ENTPD1: variants seen among roughly 807,000 people sequenced by gnomAD.
ENTPD1 encodes the protein ATP diphosphohydrolase.
Under a neutral mutation model 57.0 loss-of-function variants are expected in ENTPD1, and 33 were observed. The ratio of observed to expected loss-of-function variants is 0.58; its 90% CI spans 0.44 to 0.77. ENTPD1 has a LOEUF of 0.77. Ranked by LOEUF, ENTPD1 falls within the 30% of genes least tolerant of loss-of-function variation. The pLI is 0.00. For missense variants in ENTPD1, 501 were observed against 603.4 expected, an observed-to-expected ratio of 0.83 and a Z score of 1.78; for synonymous variants, 202 against 218.8, an observed-to-expected ratio of 0.92 and a Z score of 0.68.
At chr10:95,721,432 A>G (rs945709793) in intron 1 of ENTPD1, among the ~76,000 whole-genome samples, 7 of 152,162 alleles carry the variant, frequency 4.6e-5, no homozygotes, top group Non-Finnish European at 8.8e-5. Context: ...GGCTGCAGTT[A>G]TGGTGGCACT....
chr10:95,776,032 T>C (rs557729214), intron 1 of ENTPD1, among the ~76,000 whole-genome samples: 5 of 152,308 alleles, frequency 3.3e-5, no homozygotes, highest in Non-Finnish European at 5.9e-5. Context: ...CCTATGTGCG[T>C]TCCTTGCACA....
At chr10:95,755,876 A>G (rs1477586129), upstream of ENTPD1, 7 of 1,517,138 alleles carry the variant, frequency 4.6e-6, no homozygotes, top group Non-Finnish European at 6.2e-6. Flanking sequence ...TATAACGAAG[A>G]GAGGGAGAGA....
In ENTPD1 at chr10:95,874,480, C is replaced by T. The variant is rs1337541547; in HGVS notation, c.*8097C>T. ...GGCTTTGCAGAGTACAGCCTCCCTC[C>T]TGGCTGCTTTCTCAGGCTGATGTTG... is the stretch of plus-strand genomic sequence containing the variant. On this transcript the variant is annotated 3_prime_UTR_variant, in exon 10 of 10. Transcript: ENST00000371205. 6.6e-6 allele frequency among the ~76,000 whole-genome samples: 1 copy of T among 152,204 alleles called. No homozygotes were observed. Among genetic ancestry groups the T allele is most frequent in the Non-Finnish European group, 1.5e-5 (1 of 68,024 alleles).
intron 3 of ENTPD1, among the ~76,000 whole-genome samples, chr10:95,840,106 AATC>A: frequency 6.6e-6 from 1 of 152,220 alleles, no homozygotes; most frequent in Non-Finnish European, 1.5e-5. Flanking sequence ...ATACCCTCAT[AATC>A]TCCCTTTGAG....
At chr10:95,739,583 T>A (rs1457181634) in intron 1 of ENTPD1, among the ~76,000 whole-genome samples, 2 of 152,234 alleles carry the variant, frequency 1.3e-5, no homozygotes, top group African/African-American at 4.8e-5. Flanking sequence ...CCACTTCTAA[T>A]TCTAGTTTTC....
chr10:95,718,860 A>G (rs2097974452), intron 1 of ENTPD1, among the ~76,000 whole-genome samples: 1 of 152,244 alleles, frequency 6.6e-6, no homozygotes, highest in South Asian at 2.1e-4. Flanking sequence ...CTCGAGTGGC[A>G]TAGGTTTGAG....
intron 1 of ENTPD1, among the ~76,000 whole-genome samples, chr10:95,747,409 C>T (rs568907719): frequency 3.3e-4 from 50 of 152,220 alleles, no homozygotes; most frequent in Middle Eastern, 3.4e-3. Flanking sequence ...TTTTAGGATA[C>T]GTAAAACCAG....
intron 1 of ENTPD1, among the ~76,000 whole-genome samples, chr10:95,734,030 G>A (rs1285495254): frequency 1.3e-5 from 2 of 152,096 alleles, no homozygotes; most frequent in Non-Finnish European, 2.9e-5. Context: ...CGTCAGAAAG[G>A]ACAGCTGCAT....
Position 95,864,771 on chromosome 10 carries a change from C to T in ENTPD1, c.1236C>T (p.Tyr412=). The T allele has an allele frequency of 6.2e-7, 1 of 1,614,110 alleles. No homozygotes were observed. Among genetic ancestry groups the T allele is most frequent in the Non-Finnish European group, 8.5e-7 (1 of 1,180,002 alleles). Residue 412 remains tyrosine, a synonymous_variant, in exon 9 of 10, where the codon TAC becomes TAT. Coordinates refer to ENST00000371205, the MANE Select transcript of ENTPD1 (RefSeq NM_001776.6). ...AGVKEKYLSE[Y]CFSGTYILSL... ...TAAAGGAGAAGTACCTGAGTGAATA[C>T]TGCTTTTCTGGTACCTACATTCTCT...
At chr10:95,810,221 G>A (rs1370339418) in intron 1 of ENTPD1, among the ~76,000 whole-genome samples, 4 of 144,572 alleles carry the variant, frequency 2.8e-5, no homozygotes, top group Non-Finnish European at 6.0e-5. Context: ...ACGGGGTGGT[G>A]GCCAGGCAGA....
intron 2 of ENTPD1, among the ~76,000 whole-genome samples, chr10:95,838,645 G>C (rs2098416114): frequency 6.6e-6 from 1 of 152,180 alleles, no homozygotes; most frequent in East Asian, 1.9e-4. Flanking sequence ...CTGACTGAGA[G>C]GGGCACTGGG....
chr10:95,762,279 C>T (rs775153506), intron 1 of ENTPD1, among the ~76,000 whole-genome samples: 10 of 151,050 alleles, frequency 6.6e-5, no homozygotes, highest in South Asian at 4.2e-4. Flanking sequence ...GCTTTATGTC[C>T]GTGAGGATAC....
At chr10:95,790,772 T>C (rs1438944209) in intron 1 of ENTPD1, among the ~76,000 whole-genome samples, 2 of 152,004 alleles carry the variant, frequency 1.3e-5, no homozygotes, top group Non-Finnish European at 2.9e-5. Flanking sequence ...GTTGGAGAAA[T>C]AGAGATTGGA....
chr10:95,876,609 G>A lies in ENTPD1; in HGVS notation c.*10226G>A. The A allele has an allele frequency of 8.1e-7, 1 of 1,229,950 alleles. No homozygotes were observed. The allele number at this position is 1,229,950 out of a possible 1,614,324, so 76.2% of individuals were successfully genotyped here. ...ACAGGATGAATCCACTCTGTCTCCT[G>A]CAGTGAAGTCTGTTTGAAGGATGTA... On this transcript the variant is annotated 3_prime_UTR_variant, in exon 10 of 10. Coordinates refer to ENST00000371205, the MANE Select transcript of ENTPD1 (RefSeq NM_001776.6).
At chr10:95,819,540 A>G (rs2098341479) in intron 1 of ENTPD1, among the ~76,000 whole-genome samples, 1 of 152,210 alleles carries the variant, frequency 6.6e-6, no homozygotes, top group South Asian at 2.1e-4. Context: ...TAAGAATCAA[A>G]AGAACCTTTG....
At chr10:95,730,521 TA>T (rs2097988003) in intron 1 of ENTPD1, among the ~76,000 whole-genome samples, 2 of 146,298 alleles carry the variant, frequency 1.4e-5, no homozygotes, top group Admixed American at 1.4e-4. Context: ...GCTGAAAAAG[TA>T]AAGTACAGTG....
At position 95,873,267 on chromosome 10, in the gene ENTPD1, G is replaced by T; in HGVS notation, c.*6884G>T. ...ACTACCTGACTACTGTCATTCACAG[G>T]CATTCTGTTCCACAGCAGGCCAGCT... is the stretch of plus-strand genomic sequence containing the variant. On this transcript the variant is annotated 3_prime_UTR_variant, in exon 10 of 10. Transcript: ENST00000371205. 4 of 985,064 alleles carry T rather than the reference G, an allele frequency of 4.1e-6. No individual in the cohort carries two copies. The highest frequency in any genetic ancestry group is 4.8e-6 in the Non-Finnish European group (4 of 829,648). 61.0% of individuals were successfully genotyped at this position (985,064 alleles called of 1,614,324 possible). A position where few individuals can be genotyped will look rare whatever the true frequency, so the allele number is the denominator to read the frequency against.
At chr10:95,847,049 A>T (rs578081774) in intron 6 of ENTPD1, among the ~76,000 whole-genome samples, 38 of 152,248 alleles carry the variant, frequency 2.5e-4, no homozygotes, top group African/African-American at 9.1e-4. Flanking sequence ...AAATTTTTTT[A>T]ATAATTTTTA....
At chr10:95,854,888 G>A (rs977304318) in intron 7 of ENTPD1, among the ~76,000 whole-genome samples, 31 of 152,248 alleles carry the variant, frequency 2.0e-4, no homozygotes, top group African/African-American at 3.1e-4. Flanking sequence ...GTGGTGTGGC[G>A]CTGAAAAGAA....
Sources: allele counts gnomAD v4.1 joint callset (sites outside exome capture counted in the v4.1 genomes callset), GRCh38; gene constraint gnomAD v4.1.1; transcripts MANE v1.5; gene names NCBI Gene and HGNC (gene_info 2026-07-23, HGNC 2026-07-21).